The following FBXO36 variants were observed in gnomAD, a reference collection of about 807,000 sequenced individuals.
FBXO36 encodes the protein F-box protein 36.
FBXO36 carries 18 observed loss-of-function variants against 17.0 expected under a neutral mutation model. That is an observed-to-expected ratio of 1.06 (90% CI 0.73 to 1.57). FBXO36 has a LOEUF of 1.57. Ranked by LOEUF, FBXO36 falls within the 40% of genes most tolerant of loss-of-function variation. The pLI, the probability that FBXO36 is intolerant of heterozygous loss-of-function variation, is 0.00. For synonymous variants in FBXO36, 83 were observed against 85.3 expected (o/e 0.97, Z 0.15); for missense variants, 229 against 221.9 (o/e 1.03, Z -0.20).
chr2:229,968,419 C>A (rs556733264), intron 1 of FBXO36, among the ~76,000 whole-genome samples: 1 of 152,214 alleles, frequency 6.6e-6, no homozygotes, highest in East Asian at 1.9e-4. Context: ...CTGTCTTAAA[C>A]ATATAAAGAC....
At chr2:229,993,647 T>C (rs943418268) in intron 2 of FBXO36, among the ~76,000 whole-genome samples, 6 of 152,220 alleles carry the variant, frequency 3.9e-5, no homozygotes, top group Non-Finnish European at 7.3e-5. Flanking sequence ...ATATGTTAGT[T>C]ACATTTAAAA....
At chr2:230,001,041 T>C (rs1249548222) in intron 3 of FBXO36, among the ~76,000 whole-genome samples, 2 of 151,776 alleles carry the variant, frequency 1.3e-5, no homozygotes, top group African/African-American at 2.4e-5. Context: ...GCATTTTCAG[T>C]AGAGACTGGG....
At chr2:229,946,434 A>G (rs960554675) in intron 1 of FBXO36, among the ~76,000 whole-genome samples, 4 of 152,148 alleles carry the variant, frequency 2.6e-5, no homozygotes, top group African/African-American at 9.7e-5. Flanking sequence ...GAATCCCCTT[A>G]ACTTGGCCTT....
intron 1 of FBXO36, among the ~76,000 whole-genome samples, chr2:229,946,664 G>A (rs1002044838): frequency 2.0e-5 from 3 of 152,164 alleles, no homozygotes; most frequent in Non-Finnish European, 4.4e-5. Flanking sequence ...TGATAGAGGA[G>A]AGACAATTTC....
chr2:230,010,835 T>C lies in FBXO36; in HGVS notation c.518T>C (p.Leu173Pro), dbSNP rs749873884. 6.2e-7 allele frequency: 1 copy of C among 1,613,612 alleles called. No individual in the cohort carries two copies. The highest frequency in any genetic ancestry group is 8.5e-7 in the Non-Finnish European group (1 of 1,179,712). The change falls in exon 4 of 4, where the codon CTC (leucine) becomes CCC (proline). Residue 173 changes from leucine (L) to proline (P), a missense_variant. By Grantham distance (98) the Leu-to-Pro change is moderately conservative. Transcript: ENST00000283946. ...AACAAGCTCCAGCTCCAGCGGCAGCTCCGCAAGAGGAAACAAAAATATGGA... is the reference window on the plus strand; with the variant it reads ...AACAAGCTCCAGCTCCAGCGGCAGCCCCGCAAGAGGAAACAAAAATATGGA... ...FTNKLQLQRQ[L>P]RKRKQKYGNL...
intron 1 of FBXO36, among the ~76,000 whole-genome samples, chr2:229,929,565 CA>C (rs909062802): frequency 6.3e-5 from 9 of 142,384 alleles, no homozygotes; most frequent in African/African-American, 1.0e-4. Context: ...GACTCTGTTT[CA>C]AAAAAAAAAG....
intron 2 of FBXO36, among the ~76,000 whole-genome samples, chr2:229,982,420 G>C (rs1189548903): frequency 6.6e-6 from 1 of 152,044 alleles, no homozygotes; most frequent in Non-Finnish European, 1.5e-5. Context: ...CTCCTTCTCT[G>C]ACTATGACTC....
In FBXO36 at chr2:230,011,596, TTC is replaced by T. The variant is rs1360597943; in HGVS notation, c.*714_*715del. 0.014 allele frequency: 593 copies of T among 41,998 alleles called. 2 individuals carry two copies. The highest frequency in any genetic ancestry group is 0.039 in the African/African-American group (528 of 13,668). 2.6% of individuals were successfully genotyped at this position (41,998 alleles called of 1,614,324 possible). A position where few individuals can be genotyped will look rare whatever the true frequency, so the allele number is the denominator to read the frequency against. On this transcript the variant is annotated 3_prime_UTR_variant, in exon 4 of 4. Transcript: ENST00000283946. Reference sequence around the variant, plus strand: ...TAAACCTATAAACATTTCTTTTCTTTTCTTTTTTTTTTTTTTTTTGTATTTTC... The same window carrying T: ...TAAACCTATAAACATTTCTTTTCTTTTTTTTTTTTTTTTTTTTGTATTTTC...
chr2:229,949,114 T>C (rs942268066), intron 1 of FBXO36, among the ~76,000 whole-genome samples: 11 of 152,346 alleles, frequency 7.2e-5, no homozygotes, highest in African/African-American at 2.4e-4. Flanking sequence ...ATTACAGGCA[T>C]GAGCCACTGC....
At chr2:229,972,707 C>T (rs2077186960) in intron 1 of FBXO36, among the ~76,000 whole-genome samples, 1 of 152,022 alleles carries the variant, frequency 6.6e-6, no homozygotes, top group Non-Finnish European at 1.5e-5. Context: ...GTGTGAGCCA[C>T]CACGCCCAGC....
chr2:229,997,826 T>C (rs982068779), intron 3 of FBXO36, among the ~76,000 whole-genome samples: 6 of 152,186 alleles, frequency 3.9e-5, no homozygotes, highest in Non-Finnish European at 5.9e-5. Flanking sequence ...TTTCAGCCAT[T>C]GTCAAGGCTT....
intron 3 of FBXO36, among the ~76,000 whole-genome samples, chr2:230,010,259 C>G (rs1006886195): frequency 3.9e-5 from 6 of 152,078 alleles, no homozygotes; most frequent in Non-Finnish European, 7.4e-5. Context: ...AAAACTCCAT[C>G]TCAAAAATAA....
At chr2:229,967,437 G>C (rs2077159059) in intron 1 of FBXO36, among the ~76,000 whole-genome samples, 1 of 152,130 alleles carries the variant, frequency 6.6e-6, no homozygotes, top group East Asian at 1.9e-4. Flanking sequence ...GGTGAGAGAG[G>C]GCATCCCTGT....
chr2:230,008,375 A>G (rs1048930278), intron 3 of FBXO36, among the ~76,000 whole-genome samples: 6 of 152,102 alleles, frequency 3.9e-5, no homozygotes, highest in Non-Finnish European at 7.4e-5. Flanking sequence ...CGCTAAATCC[A>G]TGGTTAGCTG....
At chr2:229,959,642 G>A (rs1560440968) in intron 1 of FBXO36, among the ~76,000 whole-genome samples, 1 of 152,078 alleles carries the variant, frequency 6.6e-6, no homozygotes, top group Non-Finnish European at 1.5e-5. Flanking sequence ...TCAGGAGATC[G>A]AGACCATCCT....
At chr2:229,996,648 C>T in intron 2 of FBXO36, 103 bp from the exon 3 acceptor site, 1 of 1,258,096 alleles carries the variant, frequency 7.9e-7, no homozygotes, top group East Asian at 2.4e-5. Flanking sequence ...CATCTAACGT[C>T]ACTCCCAGGG....
intron 3 of FBXO36, among the ~76,000 whole-genome samples, chr2:230,006,105 GT>G (rs577192144): frequency 0.22 from 27,264 of 124,234 alleles, 1,834 homozygotes; most frequent in African/African-American, 0.27. Flanking sequence ...TTTTATTTTA[GT>G]TTTTTTTTTT....
intron 1 of FBXO36, among the ~76,000 whole-genome samples, chr2:229,951,048 C>A (rs2077054961): frequency 2.0e-5 from 3 of 152,024 alleles, no homozygotes. Flanking sequence ...ATTCTCCTGC[C>A]TCAGCCTCCC....
chr2:229,999,172 G>T (rs1032672643), intron 3 of FBXO36, among the ~76,000 whole-genome samples: 7 of 146,240 alleles, frequency 4.8e-5, no homozygotes, highest in Non-Finnish European at 1.0e-4. Flanking sequence ...TGTCGCCCAG[G>T]CCAGAGTGCA....
Sources: gnomAD v4.1 joint callset for allele counts (sites outside exome capture counted in the v4.1 genomes callset) on GRCh38, gnomAD v4.1.1 for gene constraint, MANE v1.5 for transcripts, NCBI Gene and HGNC (gene_info 2026-07-23, HGNC 2026-07-21) for gene names.